The following KCNS1 variants were observed in gnomAD, a reference collection of about 807,000 sequenced individuals.
KCNS1 encodes the protein potassium voltage-gated channel modifier subfamily S member 1.
A neutral mutation model predicts 33.1 loss-of-function variants in KCNS1; 26 were observed. The observed-to-expected ratio is 0.79, with a 90% CI of 0.58 to 1.09. The LOEUF is 1.09. Ranked by LOEUF, KCNS1 falls within the 50% of genes least tolerant of loss-of-function variation. KCNS1 has a pLI of 0.00. For missense variants in KCNS1, 702 were observed against 752.4 expected (o/e 0.93, Z 0.78); for synonymous variants, 299 against 338.8 (o/e 0.88, Z 1.29).
rs751450539 is a variant in KCNS1 at position 45,095,347 on chromosome 20, G to C, written c.1111-7C>G. On this transcript the variant is annotated splice_polypyrimidine_tract_variant and splice_region_variant and intron_variant, in intron 3 of 3. Coordinates refer to ENST00000537075, the MANE Select transcript of KCNS1 (RefSeq NM_001322799.2). Reference sequence around the variant, plus strand: ...CCACCTCACGGTAGCTGTGCTGAAAGAGAATGTAGAAAGCCAAGTCAGAGT... The same window carrying C: ...CCACCTCACGGTAGCTGTGCTGAAACAGAATGTAGAAAGCCAAGTCAGAGT... 3 of 1,607,664 alleles carry C rather than the reference G, an allele frequency of 1.9e-6. No homozygotes were observed. The highest frequency in any genetic ancestry group is 2.5e-6 in the Non-Finnish European group (3 of 1,176,580).
Position 45,095,037 on chromosome 20 carries a change from C to T in KCNS1, c.1414G>A (p.Ala472Thr), listed in dbSNP as rs150479277. The T allele has an allele frequency of 1.1e-5, 18 of 1,613,926 alleles. No homozygotes were observed. Among genetic ancestry groups the T allele is most frequent in the Non-Finnish European group, 1.4e-5 (17 of 1,180,006 alleles). The change falls in exon 4 of 4, where the codon GCA (alanine) becomes ACA (threonine). Residue 472 changes from alanine to threonine, a missense_variant. By Grantham distance (58) the Ala-to-Thr change is moderately conservative (BLOSUM62 0). Transcript: ENST00000537075. ...TGGTGGTTGCTGTTGCGCACGGCTG[C>T]CTCCAGAGCCTTCTGGCGCCGGTAG... The part of the protein sequence containing the change: ...HFYRRQKALE[A>T]AVRNSNHQEF...
chr20:45,098,694 C>A lies in KCNS1; in HGVS notation c.78G>T (p.Gly26=). The change falls in exon 3 of 4, where the codon GGG becomes GGT. Residue 26 remains glycine (G), a splice_region_variant and synonymous_variant. Transcript: ENST00000537075. The surrounding 1 kb of genome is among the most constrained non-coding windows in gnomAD (Gnocchi z 5.2). ...SKVVLPTPLG[G]RSTETFVSEF... ...CGCTCACAAAGGTTTCAGTGCTCCT[C>A]CCTGCGGACACCAGAAGGGCGCGCT... The A allele has an allele frequency of 2.1e-6, 3 of 1,411,894 alleles. No individual in the cohort carries two copies. Among genetic ancestry groups the A allele is most frequent in the East Asian group, 5.5e-5 (2 of 36,050 alleles). 87.5% of individuals were successfully genotyped at this position (1,411,894 alleles called of 1,614,324 possible).
rs1212229680 is a variant in KCNS1, at chr20:45,098,133, C to G, written c.639G>C (p.Pro213=). Residue 213 remains proline (P), a synonymous_variant, in exon 3 of 4, where the codon CCG becomes CCC. Transcript: ENST00000537075. The surrounding 1 kb of genome is among the most constrained non-coding windows in gnomAD (Gnocchi z 5.2). The part of the protein sequence containing the change: ...RRRLWLTMEN[P]GYSLPSKLFS... ...AGAGCTTGCTCGGCAGCGAGTAGCCCGGGTTCTCCATGGTCAGCCAGAGGC... is the reference window on the plus strand; with the variant it reads ...AGAGCTTGCTCGGCAGCGAGTAGCCGGGGTTCTCCATGGTCAGCCAGAGGC... The G allele has an allele frequency of 1.9e-6, 3 of 1,604,560 alleles. No individual in the cohort carries two copies. The highest frequency in any genetic ancestry group is 2.5e-6 in the Non-Finnish European group (3 of 1,176,552).
rs1310589087 is a variant in KCNS1, at chr20:45,098,096, A to T, written c.676T>A (p.Ser226Thr). 34 of 1,579,616 alleles carry T rather than the reference A, an allele frequency of 2.2e-5. No homozygotes were observed. Among genetic ancestry groups the T allele is most frequent in the Non-Finnish European group, 2.9e-5 (34 of 1,163,836 alleles). Residue 226 changes from serine to threonine, a missense_variant, in exon 3 of 4, where the codon TCC becomes ACC. Physicochemically the swap from Ser to Thr is moderately conservative, Grantham distance 58 (BLOSUM62 1). This residue lies in a region of KCNS1 where 374 missense variants were observed against 352.3 expected (regional missense o/e 1.06). Transcript: ENST00000537075. The surrounding 1 kb of genome is among the most constrained non-coding windows in gnomAD (Gnocchi z 5.2). ...ATGGAGGCGAGCACCACGCTGATGG[A>T]GACGCAGCTGAAGAGCTTGCTCGGC... Reference protein sequence around the residue: ...SLPSKLFSCVSISVVLASIAA... With the variant: ...SLPSKLFSCVTISVVLASIAA...
chr20:45,095,027 C>A lies in KCNS1; in HGVS notation c.1424G>T (p.Arg475Leu). Residue 475 changes from arginine to leucine, a missense_variant, in exon 4 of 4, where the codon CGC becomes CTC. By Grantham distance (102) the Arg-to-Leu change is moderately radical. Transcript: ENST00000537075. ...RRQKALEAAVRNSNHQEFEDL... is the reference protein window; with the variant it reads ...RRQKALEAAVLNSNHQEFEDL... Reference sequence around the variant, plus strand: ...CTCAAACTCTTGGTGGTTGCTGTTGCGCACGGCTGCCTCCAGAGCCTTCTG... The same window carrying A: ...CTCAAACTCTTGGTGGTTGCTGTTGAGCACGGCTGCCTCCAGAGCCTTCTG... The A allele has an allele frequency of 6.2e-7, 1 of 1,613,852 alleles. No individual in the cohort carries two copies. The highest frequency in any genetic ancestry group is 8.5e-7 in the Non-Finnish European group (1 of 1,180,018).
Position 45,092,206 on chromosome 20 carries a change from G to A in KCNS1, c.*2664C>T, listed in dbSNP as rs923070022. 3 of 152,120 alleles carry A rather than the reference G, an allele frequency of 2.0e-5. No individual in the cohort carries two copies. The highest frequency in any genetic ancestry group is 7.2e-5 in the African/African-American group (3 of 41,422). 9.4% of individuals were successfully genotyped at this position (152,120 alleles called of 1,614,324 possible). A position where few individuals can be genotyped will look rare whatever the true frequency, so the allele number is the denominator to read the frequency against. On this transcript the variant is annotated 3_prime_UTR_variant, in exon 4 of 4. Transcript: ENST00000537075. ...AGTTTGTGCCAAATCCAGGACTGGA[G>A]CCTGAGAATGTGGATTCCAAGTCAT...
rs1196973344 is a variant in KCNS1 at position 45,091,474 on chromosome 20, T to C, written c.*3396A>G. Among the ~76,000 whole-genome samples the C allele has an allele frequency of 6.6e-6, 1 of 152,198 alleles. No individual in the cohort carries two copies. The highest frequency in any genetic ancestry group is 1.5e-5 in the Non-Finnish European group (1 of 68,028). ...ACTGAGGTCCCTAGAGCTCCCCTCA[T>C]TCCTGTATTTCCTGAGGCCTCGTCA... is the stretch of plus-strand genomic sequence containing the variant. On this transcript the variant is annotated 3_prime_UTR_variant, in exon 4 of 4. Coordinates refer to ENST00000537075, the MANE Select transcript of KCNS1 (RefSeq NM_001322799.2).
chr20:45,098,605 A>T lies in KCNS1; in HGVS notation c.167T>A (p.Val56Glu). ...RRSDEALRVN[V>E]GGVRRQLSAR... ...GCTCAGCTGCCGCCGCACGCCACCCACGTTCACGCGCAGCGCCTCGTCGCT... is the reference window on the plus strand; with the variant it reads ...GCTCAGCTGCCGCCGCACGCCACCCTCGTTCACGCGCAGCGCCTCGTCGCT... The change falls in exon 3 of 4, where the codon GTG becomes GAG. Residue 56 changes from valine to glutamate, a missense_variant. Val to Glu is a moderately radical substitution (Grantham distance 121). This residue lies in a region of KCNS1 where 374 missense variants were observed against 352.3 expected (regional missense o/e 1.06). Coordinates refer to ENST00000537075, the MANE Select transcript of KCNS1 (RefSeq NM_001322799.2). This position sits in a 1 kb window ranked among gnomAD's most constrained non-coding sequence, Gnocchi z 5.2. 6.9e-7 allele frequency: 1 copy of T among 1,456,338 alleles called. No homozygotes were observed. Among genetic ancestry groups the T allele is most frequent in the East Asian group, 2.8e-5 (1 of 35,322 alleles). The allele number at this position is 1,456,338 out of a possible 1,614,324, so 90.2% of individuals were successfully genotyped here.
Position 45,098,692 on chromosome 20 carries a change from C to A in KCNS1, c.80G>T (p.Arg27Met). Reference sequence around the variant, plus strand: ...CTCGCTCACAAAGGTTTCAGTGCTCCTCCCTGCGGACACCAGAAGGGCGCG... The same window carrying A: ...CTCGCTCACAAAGGTTTCAGTGCTCATCCCTGCGGACACCAGAAGGGCGCG... Reference protein sequence around the residue: ...KVVLPTPLGGRSTETFVSEFP... With the variant: ...KVVLPTPLGGMSTETFVSEFP... Residue 27 changes from arginine (R) to methionine (M), a missense_variant, in exon 3 of 4, where the codon AGG becomes ATG. Around this residue, in one of 3 missense-constraint regions of KCNS1, gnomAD observed 374 missense variants for 352.3 expected, o/e 1.06. Transcript: ENST00000537075. The surrounding 1 kb of genome is among the most constrained non-coding windows in gnomAD (Gnocchi z 5.2). 7.1e-7 allele frequency: 1 copy of A among 1,408,742 alleles called. No individual in the cohort carries two copies. The highest frequency in any genetic ancestry group is 1.7e-5 in the South Asian group (1 of 58,776). The allele number at this position is 1,408,742 out of a possible 1,614,324, so 87.3% of individuals were successfully genotyped here.
At chr20:45,097,518 G>T (rs998564631) in intron 3 of KCNS1, 144 bp downstream of exon 3, 25 of 755,150 alleles carry the variant, frequency 3.3e-5, no homozygotes, top group Non-Finnish European at 5.1e-5. Context: ...CGTACACCTG[G>T]TGTGCAGCCC....
chr20:45,096,258 G>A (rs527775371), intron 3 of KCNS1, among the ~76,000 whole-genome samples: 1 of 152,166 alleles, frequency 6.6e-6, no homozygotes, highest in Non-Finnish European at 1.5e-5. Flanking sequence ...TGAGTAGCAA[G>A]GCTCTCATCT....
Position 45,098,066 on chromosome 20 carries a change from C to T in KCNS1, c.706G>A (p.Ala236Thr), listed in dbSNP as rs1275304313. The T allele has an allele frequency of 1.3e-6, 2 of 1,549,726 alleles. No individual in the cohort carries two copies. Among genetic ancestry groups the T allele is most frequent in the East Asian group, 4.9e-5 (2 of 40,850 alleles). Residue 236 changes from alanine to threonine, a missense_variant, in exon 3 of 4, where the codon GCC becomes ACC. Coordinates refer to ENST00000537075, the MANE Select transcript of KCNS1 (RefSeq NM_001322799.2). This position sits in a 1 kb window ranked among gnomAD's most constrained non-coding sequence, Gnocchi z 5.2. The part of the protein sequence containing the change: ...SISVVLASIA[A>T]MCIHSLPEYQ... ...TCGGGCAGGCTGTGGATGCACATGGCGGCGATGGAGGCGAGCACCACGCTG... is the reference window on the plus strand; with the variant it reads ...TCGGGCAGGCTGTGGATGCACATGGTGGCGATGGAGGCGAGCACCACGCTG...
At chr20:45,099,774 T>C (rs1600602994) in intron 1 of KCNS1, among the ~76,000 whole-genome samples, 1 of 152,212 alleles carries the variant, frequency 6.6e-6, no homozygotes, top group Admixed American at 6.5e-5. Flanking sequence ...CCTTAGTGGA[T>C]ACTCAGGAAG....
chr20:45,092,023 A>AT lies in KCNS1; in HGVS notation c.*2846dup, dbSNP rs1340932898. Among the ~76,000 whole-genome samples the AT allele has an allele frequency of 2.0e-5, 3 of 152,152 alleles. No homozygotes were observed. The highest frequency in any genetic ancestry group is 2.0e-4 in the Admixed American group (3 of 15,280). ...AACTAATATATCTTCCAATAAATTCATTTTTTGCTTGATGTCAGTTTGTTG... is the reference window on the plus strand; with the variant it reads ...AACTAATATATCTTCCAATAAATTCATTTTTTTGCTTGATGTCAGTTTGTTG... On this transcript the variant is annotated 3_prime_UTR_variant, in exon 4 of 4. Coordinates refer to ENST00000537075, the MANE Select transcript of KCNS1 (RefSeq NM_001322799.2).
At chr20:45,095,992 G>A (rs1981172446) in intron 3 of KCNS1, among the ~76,000 whole-genome samples, 1 of 152,098 alleles carries the variant, frequency 6.6e-6, no homozygotes, top group Admixed American at 6.5e-5. Context: ...GTGGGTAAAG[G>A]CCAGGGATAC....
Position 45,095,007 on chromosome 20 carries a change from A to AC in KCNS1, c.1443dup (p.Phe482ValfsTer2). 5.0e-6 allele frequency: 8 copies of AC among 1,610,284 alleles called. No homozygotes were observed. The highest frequency in any genetic ancestry group is 6.8e-6 in the Non-Finnish European group (8 of 1,178,922). ...TCAATGCTGCTCAGCAAGTCCTCAA[A>AC]CTCTTGGTGGTTGCTGTTGCGCACG... On this transcript the variant is annotated frameshift_variant, in exon 4 of 4. Transcript: ENST00000537075. LOFTEE classifies it high-confidence loss of function.
Position 45,093,548 on chromosome 20 carries a change from CCA to C in KCNS1, c.*1320_*1321del, listed in dbSNP as rs1981071024. On this transcript the variant is annotated 3_prime_UTR_variant, in exon 4 of 4. Transcript: ENST00000537075. ...GCTCAGGGTGATGGGACAGAGATAG[CCA>C]CAGTCAGACAACAACAGCACAGTGC... 6.6e-6 allele frequency: 1 copy of C among 152,230 alleles called. No homozygotes were observed. Among genetic ancestry groups the C allele is most frequent in the African/African-American group, 2.4e-5 (1 of 41,448 alleles). The allele number at this position is 152,230 out of a possible 1,614,324, so 9.4% of individuals were successfully genotyped here. A position where few individuals can be genotyped will look rare whatever the true frequency, so the allele number is the denominator to read the frequency against.
chr20:45,097,975 A>G lies in KCNS1; in HGVS notation c.797T>C (p.Val266Ala). The part of the protein sequence containing the change: ...AVAAGRSPEG[V>A]RDDPVLRRLE... ...GCGTCGCAGCACCGGGTCGTCGCGC[A>G]CGCCTTCCGGGCTGCGGCCCGCGGC... The change falls in exon 3 of 4, where the codon GTG becomes GCG. Residue 266 changes from valine (V) to alanine (A), a missense_variant. Around this residue, in one of 3 missense-constraint regions of KCNS1, gnomAD observed 253 missense variants for 327.4 expected, o/e 0.77. Transcript: ENST00000537075. 6.4e-7 allele frequency: 1 copy of G among 1,551,244 alleles called. No individual in the cohort carries two copies. Among genetic ancestry groups the G allele is most frequent in the Non-Finnish European group, 8.7e-7 (1 of 1,148,664 alleles).
In KCNS1 at chr20:45,098,155, A is replaced by T. The variant is rs1167512583; in HGVS notation, c.617T>A (p.Leu206His). ...AARCGRLRRR[L>H]WLTMENPGYS... ...GCCCGGGTTCTCCATGGTCAGCCAG[A>T]GGCGGCGGCGCAGGCGGCCACAGCG... The change falls in exon 3 of 4, where the codon CTC becomes CAC. Residue 206 changes from leucine to histidine, a missense_variant. By Grantham distance (99) the Leu-to-His change is moderately conservative (BLOSUM62 -3). Around this residue, in one of 3 missense-constraint regions of KCNS1, gnomAD observed 374 missense variants for 352.3 expected, o/e 1.06. Coordinates refer to ENST00000537075, the MANE Select transcript of KCNS1 (RefSeq NM_001322799.2). The surrounding 1 kb of genome is among the most constrained non-coding windows in gnomAD (Gnocchi z 5.2). 3 of 1,598,482 alleles carry T rather than the reference A, an allele frequency of 1.9e-6. No individual in the cohort carries two copies. The highest frequency in any genetic ancestry group is 2.6e-6 in the Non-Finnish European group (3 of 1,174,084).
Sources: gnomAD v4.1 joint callset for allele counts (sites outside exome capture counted in the v4.1 genomes callset) on GRCh38, gnomAD v4.1.1 for gene constraint, gnomAD v4.1.1 regional missense constraint, Gnocchi (gnomAD v3.1) non-coding constraint, MANE v1.5 for transcripts, NCBI Gene and HGNC (gene_info 2026-07-23, HGNC 2026-07-21) for gene names.